Variants in TENM3 observed in about 807,000 individuals in gnomAD.
TENM3 encodes teneurin-3.
In TENM3, 63 loss-of-function variants were observed where a neutral mutation model predicts 255.1. That is an observed-to-expected ratio of 0.25 (90% CI 0.20 to 0.30). The LOEUF (loss-of-function observed/expected upper bound fraction) is 0.30, where lower values mean the gene tolerates loss of function less well. Ranked by LOEUF, TENM3 falls within the 10% of genes least tolerant of loss-of-function variation. TENM3 has a pLI of 1.00. For missense variants in TENM3, 2,929 were observed against 3,461.1 expected (o/e 0.85, Z 3.86); for synonymous variants, 1,306 against 1,322.3 (o/e 0.99, Z 0.27).
At chr4:182,397,208 G>C (rs1213311440) in intron 3 of TENM3, among the ~76,000 whole-genome samples, 1 of 149,054 alleles carries the variant, frequency 6.7e-6, no homozygotes, top group African/African-American at 2.5e-5. Flanking sequence ...GCAGAGTAGG[G>C]AGACAAGTAA....
chr4:181,806,639 G>A, the TENM3 span, among the ~76,000 whole-genome samples: 54 of 152,312 alleles, frequency 3.5e-4, no homozygotes, highest in African/African-American at 8.4e-4. Context: ...ATGGCATCTC[G>A]GAAGAGGAGA....
chr4:181,959,052 T>A, the TENM3 span, among the ~76,000 whole-genome samples: 842 of 152,270 alleles, frequency 5.5e-3, 4 homozygotes, highest in African/African-American at 0.019. Flanking sequence ...TGTTGTTGTT[T>A]GTTTGGTTTG....
At chr4:181,655,757 G>A in the TENM3 span, among the ~76,000 whole-genome samples, 1 of 152,138 alleles carries the variant, frequency 6.6e-6, no homozygotes, top group South Asian at 2.1e-4. Flanking sequence ...CCAAAAAGAA[G>A]AAACAAAATA....
rs546219054 is a variant in TENM3, at chr4:182,479,639, C to T, written c.512-121285C>T. On this transcript the variant is annotated intron_variant, in intron 3 of 27. Coordinates refer to ENST00000511685, the MANE Select transcript of TENM3 (RefSeq NM_001080477.4). ...TTTCTTTAGAAACTGAAGTAATAAT[C>T]CTCATTTGTAGTGTTGAAAATACTA... Among the ~76,000 whole-genome samples the T allele has an allele frequency of 2.0e-5, 3 of 151,986 alleles. No homozygotes were observed. In the South Asian group the frequency reaches 6.2e-4, roughly 32 times the overall value.
chr4:181,763,170 A>T, the TENM3 span, among the ~76,000 whole-genome samples: 1 of 152,174 alleles, frequency 6.6e-6, no homozygotes, highest in Non-Finnish European at 1.5e-5. Flanking sequence ...GGAGAGCTAA[A>T]CTACCATTAC....
At chr4:181,918,723 A>G in the TENM3 span, among the ~76,000 whole-genome samples, 1 of 152,048 alleles carries the variant, frequency 6.6e-6, no homozygotes, top group South Asian at 2.1e-4. Flanking sequence ...AAGAAGTTTA[A>G]TACTCTTCAT....
chr4:182,173,472 G>A (rs558742468), intron 1 of TENM3, among the ~76,000 whole-genome samples: 5 of 152,258 alleles, frequency 3.3e-5, no homozygotes, highest in African/African-American at 1.2e-4. Flanking sequence ...ACTAAAATTT[G>A]AGTAAAGCTT....
At chr4:181,959,160 T>A in the TENM3 span, among the ~76,000 whole-genome samples, 1 of 152,200 alleles carries the variant, frequency 6.6e-6, no homozygotes, top group Non-Finnish European at 1.5e-5. Flanking sequence ...TATGATACAC[T>A]GAACTCAAAT....
the TENM3 span, among the ~76,000 whole-genome samples, chr4:182,055,587 T>C: frequency 6.6e-6 from 1 of 152,094 alleles, no homozygotes; most frequent in Non-Finnish European, 1.5e-5. Context: ...GGTTCATGTG[T>C]CCCTAATCCA....
chr4:182,759,697 G>A (rs1762988931), intron 22 of TENM3, among the ~76,000 whole-genome samples: 1 of 152,176 alleles, frequency 6.6e-6, no homozygotes, highest in South Asian at 2.1e-4. Flanking sequence ...ATTGTATCTG[G>A]TATCAGGAAG....
chr4:181,681,637 G>T, the TENM3 span, among the ~76,000 whole-genome samples: 2 of 152,038 alleles, frequency 1.3e-5, no homozygotes, highest in African/African-American at 4.8e-5. Context: ...CAACCTGAGG[G>T]TGATAATGAG....
At chr4:181,939,134 T>TA in the TENM3 span, among the ~76,000 whole-genome samples, 1 of 152,220 alleles carries the variant, frequency 6.6e-6, no homozygotes, top group Non-Finnish European at 1.5e-5. Flanking sequence ...TTTTCATACT[T>TA]AAAGTATAAA....
chr4:181,567,769 CAT>C, the TENM3 span, among the ~76,000 whole-genome samples: 1 of 152,102 alleles, frequency 6.6e-6, no homozygotes, highest in Non-Finnish European at 1.5e-5. Flanking sequence ...GTGTGTGACA[CAT>C]GAGGTCTTTC....
the TENM3 span, among the ~76,000 whole-genome samples, chr4:181,528,014 AG>A: frequency 3.3e-5 from 5 of 152,170 alleles, no homozygotes; most frequent in African/African-American, 7.2e-5. Flanking sequence ...ATTTTTTAAA[AG>A]GGGGGGTTAA....
At chr4:181,531,314 C>T in the TENM3 span, among the ~76,000 whole-genome samples, 1 of 152,022 alleles carries the variant, frequency 6.6e-6, no homozygotes, top group Non-Finnish European at 1.5e-5. Context: ...AGGAGTGAAC[C>T]CCAACGACAA....
the TENM3 span, among the ~76,000 whole-genome samples, chr4:181,685,791 T>A: frequency 6.6e-6 from 1 of 152,106 alleles, no homozygotes; most frequent in East Asian, 1.9e-4. Flanking sequence ...AATTAATAAG[T>A]CAAGTGGTTT....
chr4:181,636,378 A>T, the TENM3 span, among the ~76,000 whole-genome samples: 3 of 152,216 alleles, frequency 2.0e-5, no homozygotes, highest in Non-Finnish European at 4.4e-5. Context: ...TGATTGGAAG[A>T]AGCCCACCCA....
At chr4:182,206,277 A>G (rs148412637) in intron 1 of TENM3, among the ~76,000 whole-genome samples, 34 of 152,168 alleles carry the variant, frequency 2.2e-4, no homozygotes, top group African/African-American at 7.5e-4. Flanking sequence ...CTCTATTGTC[A>G]GATTTGTTTT....
the TENM3 span, among the ~76,000 whole-genome samples, chr4:182,082,414 C>T: frequency 2.0e-5 from 3 of 152,186 alleles, no homozygotes; most frequent in Admixed American, 2.0e-4. Context: ...TTTTCAGGGA[C>T]ACAAACATTC....
Sources: gnomAD v4.1 joint callset for allele counts (sites outside exome capture counted in the v4.1 genomes callset) on GRCh38, gnomAD v4.1.1 for gene constraint, MANE v1.5 for transcripts, NCBI Gene and HGNC (gene_info 2026-07-23, HGNC 2026-07-21) for gene names.